PDE12: variants seen among roughly 807,000 people sequenced by gnomAD.
PDE12 encodes 2',5'-phosphodiesterase 12.
PDE12 carries 26 observed loss-of-function variants against 45.4 expected under a neutral mutation model. That is an observed-to-expected ratio of 0.57 (90% CI 0.42 to 0.79). The LOEUF (loss-of-function observed/expected upper bound fraction) is 0.79, where lower values mean the gene tolerates loss of function less well. Ranked by LOEUF, PDE12 falls within the 30% of genes least tolerant of loss-of-function variation. The pLI, the probability that PDE12 is intolerant of heterozygous loss-of-function variation, is 0.00. For missense variants in PDE12, 668 were observed against 790.0 expected (o/e 0.85, Z 1.85); for synonymous variants, 283 against 323.9 (o/e 0.87, Z 1.36).
the PDE12 span, among the ~76,000 whole-genome samples, chr3:57,642,781 A>G: frequency 6.6e-6 from 1 of 152,072 alleles, no homozygotes; most frequent in African/African-American, 2.4e-5. Flanking sequence ...CGAGGTGGGC[A>G]GATCACCTGA....
chr3:57,559,620 A>T lies in PDE12; in HGVS notation c.1446A>T (p.Ser482=), dbSNP rs758179364. 6.2e-7 allele frequency: 1 copy of T among 1,613,850 alleles called. No homozygotes were observed. The highest frequency in any genetic ancestry group is 2.2e-5 in the East Asian group (1 of 44,872). ...AVALAHIRHV[S]CDLYPGIPVI... ...CCTTGGCTCACATAAGACATGTTTC[A>T]TGTGATCTGTATCCTGGCATACCAG... Residue 482 remains serine, a synonymous_variant, in exon 3 of 3, where the codon TCA becomes TCT. Coordinates refer to ENST00000311180, the MANE Select transcript of PDE12 (RefSeq NM_177966.7).
At chr3:57,595,167 A>G in the PDE12 span, among the ~76,000 whole-genome samples, 3 of 152,230 alleles carry the variant, frequency 2.0e-5, no homozygotes, top group Non-Finnish European at 4.4e-5. Flanking sequence ...TAAATATATG[A>G]AAATGCTGGT....
At chr3:57,590,078 AGACTCT>A in the PDE12 span, among the ~76,000 whole-genome samples, 1 of 147,270 alleles carries the variant, frequency 6.8e-6, no homozygotes, top group South Asian at 2.1e-4. Context: ...CAACAGACCA[AGACTCT>A]GTCTCAATAA....
In PDE12 at chr3:57,559,965, T is replaced by C. The variant is rs2069709884; in HGVS notation, c.1791T>C (p.Ser597=). The part of the protein sequence containing the change: ...HQALPSVSHP[S]DHIALVCDLK... The stretch of plus-strand genomic sequence containing the variant: ...CCTTACCTAGTGTTTCCCATCCCTC[T>C]GATCACATAGCACTTGTATGTGATT... The change falls in exon 3 of 3, where the codon TCT becomes TCC. Residue 597 remains serine, a synonymous_variant. Transcript: ENST00000311180. The C allele has an allele frequency of 1.2e-6, 2 of 1,612,060 alleles. No individual in the cohort carries two copies.
chr3:57,564,486 C>T lies in PDE12; in HGVS notation c.*4482C>T, dbSNP rs929276059. ...ACACAGTCCATTTTGCCCAGTAATT[C>T]ACTTTAATGATGTTATCATGAAGTA... is the stretch of plus-strand genomic sequence containing the variant. On this transcript the variant is annotated 3_prime_UTR_variant, in exon 3 of 3. Coordinates refer to ENST00000311180, the MANE Select transcript of PDE12 (RefSeq NM_177966.7). 1.3e-5 allele frequency: 2 copies of T among 151,700 alleles called. No individual in the cohort carries two copies. The highest frequency in any genetic ancestry group is 4.8e-5 in the African/African-American group (2 of 41,358). The allele number at this position is 151,700 out of a possible 1,614,324, so 9.4% of individuals were successfully genotyped here.
At chr3:57,622,927 G>T in the PDE12 span, among the ~76,000 whole-genome samples, 21 of 152,230 alleles carry the variant, frequency 1.4e-4, no homozygotes, top group South Asian at 3.9e-3. Context: ...CATCTATACT[G>T]GTTGTTTGGG....
the PDE12 span, among the ~76,000 whole-genome samples, chr3:57,612,283 C>T: frequency 6.6e-6 from 1 of 151,168 alleles, no homozygotes. Context: ...GGAGATATAC[C>T]TAATGTAAAT....
At chr3:57,595,020 T>C in the PDE12 span, among the ~76,000 whole-genome samples, 2 of 152,212 alleles carry the variant, frequency 1.3e-5, no homozygotes, top group Admixed American at 1.3e-4. Context: ...TGCAAAACGA[T>C]AGCATGCCTG....
chr3:57,641,804 T>C, the PDE12 span: 1 of 1,420,714 alleles, frequency 7.0e-7, no homozygotes, highest in Non-Finnish European at 9.8e-7. Context: ...GAATGCTAAA[T>C]CAGTGAAGAA....
Position 57,561,986 on chromosome 3 carries a change from A to T in PDE12, c.*1982A>T. The stretch of plus-strand genomic sequence containing the variant: ...TGCCTTCCTAAATAACATTTTTGAG[A>T]GCATTTTAACAGCAGTTTACAAATA... On this transcript the variant is annotated 3_prime_UTR_variant, in exon 3 of 3. Coordinates refer to ENST00000311180, the MANE Select transcript of PDE12 (RefSeq NM_177966.7). 1.0e-6 allele frequency: 1 copy of T among 984,448 alleles called. No individual in the cohort carries two copies. Among genetic ancestry groups the T allele is most frequent in the Non-Finnish European group, 1.2e-6 (1 of 829,018 alleles). 61.0% of individuals were successfully genotyped at this position (984,448 alleles called of 1,614,324 possible).
chr3:57,612,582 C>G, the PDE12 span, among the ~76,000 whole-genome samples: 1 of 152,050 alleles, frequency 6.6e-6, no homozygotes, highest in African/African-American at 2.4e-5. Context: ...ACCATCCTGA[C>G]CAACATGGTG....
the PDE12 span, among the ~76,000 whole-genome samples, chr3:57,636,659 G>A: frequency 1.3e-5 from 2 of 152,120 alleles, no homozygotes; most frequent in Non-Finnish European, 2.9e-5. Context: ...AAAGTTGGCC[G>A]GGCGTGGTGG....
chr3:57,615,400 A>T, the PDE12 span, among the ~76,000 whole-genome samples: 1 of 152,194 alleles, frequency 6.6e-6, no homozygotes, highest in African/African-American at 2.4e-5. Context: ...CTAAAAGCTT[A>T]TATTAGAAAA....
chr3:57,560,238 A>C lies in PDE12; in HGVS notation c.*234A>C. ...AAACAAATATATTTCTTACTAGCAA[A>C]ATAGAAAATTGAATTATTTTTCTCC... On this transcript the variant is annotated 3_prime_UTR_variant, in exon 3 of 3. Coordinates refer to ENST00000311180, the MANE Select transcript of PDE12 (RefSeq NM_177966.7). 2 of 1,239,988 alleles carry C rather than the reference A, an allele frequency of 1.6e-6. No individual in the cohort carries two copies. Among genetic ancestry groups the C allele is most frequent in the South Asian group, 3.3e-5 (1 of 30,744 alleles). 76.8% of individuals were successfully genotyped at this position (1,239,988 alleles called of 1,614,324 possible).
chr3:57,586,205 A>G, the PDE12 span, among the ~76,000 whole-genome samples: 3 of 152,328 alleles, frequency 2.0e-5, no homozygotes, highest in African/African-American at 7.2e-5. Flanking sequence ...TGTTCTTAGG[A>G]TATCATATCT....
At chr3:57,638,962 G>A in the PDE12 span, among the ~76,000 whole-genome samples, 1 of 152,156 alleles carries the variant, frequency 6.6e-6, no homozygotes, top group East Asian at 1.9e-4. Flanking sequence ...GCCAGGCGTG[G>A]TGGCGTGCAC....
rs1269705352 is a variant in PDE12, at chr3:57,557,303, G to A, written c.924G>A (p.Ala308=). 1.2e-6 allele frequency: 2 copies of A among 1,613,868 alleles called. No homozygotes were observed. Among genetic ancestry groups the A allele is most frequent in the Admixed American group, 1.7e-5 (1 of 59,996 alleles). The change falls in exon 1 of 3, where the codon GCG becomes GCA. Residue 308 remains alanine, a synonymous_variant. Transcript: ENST00000311180. ...ACAACATCCTGGCAGACACGTACGC[G>A]CAGACTGAGTTCTCGCGAACGGTTC... ...VSYNILADTY[A]QTEFSRTVLY...
chr3:57,610,918 G>A, the PDE12 span, among the ~76,000 whole-genome samples: 7 of 152,186 alleles, frequency 4.6e-5, no homozygotes, highest in East Asian at 5.8e-4. Flanking sequence ...AAAAGAGCCC[G>A]CATTGCCAAG....
At position 57,562,019 on chromosome 3, in the gene PDE12, A is replaced by C. The variant is rs1019499414; in HGVS notation, c.*2015A>C. 28 of 980,932 alleles carry C rather than the reference A, an allele frequency of 2.9e-5. No individual in the cohort carries two copies. The African/African-American group carries it at 4.9e-4, about 17-fold the overall frequency. The allele number at this position is 980,932 out of a possible 1,614,324, so 60.8% of individuals were successfully genotyped here. ...AACAGCAGTTTACAAATATGTAAAT[A>C]ATAGATTAAAACCAAATCTTGATTC... On this transcript the variant is annotated 3_prime_UTR_variant, in exon 3 of 3. Coordinates refer to ENST00000311180, the MANE Select transcript of PDE12 (RefSeq NM_177966.7).
Sources: allele counts gnomAD v4.1 joint callset (sites outside exome capture counted in the v4.1 genomes callset), GRCh38; gene constraint gnomAD v4.1.1; transcripts MANE v1.5; gene names NCBI Gene and HGNC (gene_info 2026-07-23, HGNC 2026-07-21).